The following PDE7B variants were observed in gnomAD, a reference collection of about 807,000 sequenced individuals.
PDE7B encodes the protein 3',5'-cyclic-AMP phosphodiesterase 7B.
In PDE7B, 29 loss-of-function variants were observed where a neutral mutation model predicts 56.2. That is an observed-to-expected ratio of 0.52 (90% CI 0.38 to 0.70). The LOEUF is 0.70. Among genes scored for constraint, PDE7B ranks in the 30% least tolerant of loss-of-function variants. The probability of loss-of-function intolerance (pLI) is 0.00; values close to 1 mark genes in which losing one functional copy is unlikely to be tolerated. For missense variants in PDE7B, 490 were observed against 565.0 expected, an observed-to-expected ratio of 0.87 and a Z score of 1.35; for synonymous variants, 197 against 196.9, an observed-to-expected ratio of 1.00 and a Z score of 0.00.
chr6:136,163,088 C>T (rs1344028638), intron 8 of PDE7B, among the ~76,000 whole-genome samples: 2 of 152,224 alleles, frequency 1.3e-5, no homozygotes, highest in African/African-American at 4.8e-5. Flanking sequence ...TCTCACAGCT[C>T]CACTAGACAG....
chr6:136,009,113 T>G (rs1426511891), intron 2 of PDE7B, among the ~76,000 whole-genome samples: 13 of 152,132 alleles, frequency 8.5e-5, no homozygotes, highest in Non-Finnish European at 1.9e-4. Context: ...AGTTCTTGTT[T>G]TTTTCAGGTT....
rs556044060 is a variant in PDE7B at position 135,988,693 on chromosome 6, G to C, written c.82+41169G>C. On this transcript the variant is annotated intron_variant, in intron 2 of 12. Transcript: ENST00000308191. ...GAAATGGAAGTGTTCTGATCAAGTGGGTAAAAGGAATTATAAATTTAGGAA... is the reference window on the plus strand; with the variant it reads ...GAAATGGAAGTGTTCTGATCAAGTGCGTAAAAGGAATTATAAATTTAGGAA... Among the ~76,000 whole-genome samples the C allele has an allele frequency of 3.9e-5, 6 of 152,104 alleles. 1 individual carries two copies. The South Asian group carries it at 1.0e-3, about 26-fold the overall frequency.
intron 1 of PDE7B, among the ~76,000 whole-genome samples, chr6:135,884,239 AT>A (rs1239564709): frequency 6.6e-6 from 1 of 152,040 alleles, no homozygotes; most frequent in African/African-American, 2.4e-5. Context: ...TTCCAAATTC[AT>A]TTTTTTAAAA....
chr6:136,173,197 C>T (rs1283799674), intron 8 of PDE7B, among the ~76,000 whole-genome samples: 1 of 152,202 alleles, frequency 6.6e-6, no homozygotes, highest in African/African-American at 2.4e-5. Flanking sequence ...ATTGCCAAGT[C>T]AATCCTAAGC....
chr6:136,093,396 T>C (rs1371796453), intron 2 of PDE7B, among the ~76,000 whole-genome samples: 4 of 152,250 alleles, frequency 2.6e-5, no homozygotes, highest in Non-Finnish European at 5.9e-5. Flanking sequence ...AAGGTCTTTC[T>C]TCCAAGGATG....
rs1583910650 is a variant in PDE7B at position 136,151,359 on chromosome 6, A to G, written c.478+104A>G. On this transcript the variant is annotated intron_variant, in intron 6 of 12. Coordinates refer to ENST00000308191, the MANE Select transcript of PDE7B (RefSeq NM_018945.4). ...AAGATCCATAGGATGATAGATGCAT[A>G]CCTCCAATTAATCTTAAATGGTCTC... The G allele has an allele frequency of 1.3e-5, 8 of 596,746 alleles. No individual in the cohort carries two copies. The East Asian group carries it at 2.2e-4, about 17-fold the overall frequency. The allele number at this position is 596,746 out of a possible 1,614,324, so 37.0% of individuals were successfully genotyped here. A position where few individuals can be genotyped will look rare whatever the true frequency, so the allele number is the denominator to read the frequency against.
At chr6:135,942,794 A>G (rs1337230646) in intron 1 of PDE7B, among the ~76,000 whole-genome samples, 2 of 152,068 alleles carry the variant, frequency 1.3e-5, no homozygotes, top group African/African-American at 4.8e-5. Context: ...AATGTCCTCC[A>G]GATTCATCCA....
chr6:136,002,076 C>G (rs1031769142), intron 2 of PDE7B, among the ~76,000 whole-genome samples: 1 of 152,158 alleles, frequency 6.6e-6, no homozygotes, highest in African/African-American at 2.4e-5. Flanking sequence ...ATCTTCAACC[C>G]AGAATTTCAT....
chr6:136,035,337 C>T (rs894741582), intron 2 of PDE7B: 4 of 152,168 alleles, frequency 2.6e-5, no homozygotes, highest in African/African-American at 7.2e-5. Context: ...ATGTTAGCTA[C>T]GAAATGTAAC....
At chr6:135,899,345 CTG>C (rs1775958840) in intron 1 of PDE7B, among the ~76,000 whole-genome samples, 1 of 151,536 alleles carries the variant, frequency 6.6e-6, no homozygotes, top group South Asian at 2.1e-4. Flanking sequence ...ACATATGTAT[CTG>C]TGTGTATTTA....
At chr6:135,862,579 G>A (rs1775171177) in intron 1 of PDE7B, among the ~76,000 whole-genome samples, 3 of 151,768 alleles carry the variant, frequency 2.0e-5, no homozygotes, top group Admixed American at 1.3e-4. Flanking sequence ...GGACAGTTTT[G>A]TAAGTTTATA....
At chr6:136,031,745 A>AC (rs1045536280) in intron 2 of PDE7B, among the ~76,000 whole-genome samples, 2 of 151,526 alleles carry the variant, frequency 1.3e-5, no homozygotes, top group African/African-American at 4.8e-5. Context: ...TCTCAAAAAA[A>AC]AAAAAAAAAA....
chr6:136,170,770 G>A (rs1327630420), intron 8 of PDE7B, among the ~76,000 whole-genome samples: 2 of 152,064 alleles, frequency 1.3e-5, no homozygotes, highest in African/African-American at 4.8e-5. Flanking sequence ...ATCAGAGAGG[G>A]GGCTGAGCAT....
intron 1 of PDE7B, among the ~76,000 whole-genome samples, chr6:135,873,672 A>G (rs1342929665): frequency 6.6e-6 from 1 of 152,304 alleles, no homozygotes; most frequent in East Asian, 1.9e-4. Context: ...TTGTAAGTAG[A>G]TAGGCAAATA....
intron 2 of PDE7B, among the ~76,000 whole-genome samples, chr6:136,006,584 T>C (rs370191656): frequency 1.2e-3 from 183 of 152,218 alleles, no homozygotes; most frequent in African/African-American, 4.0e-3. Context: ...ATCTAGTTTC[T>C]TTGAGCAGTG....
intron 3 of PDE7B, among the ~76,000 whole-genome samples, chr6:136,140,856 A>G (rs1231117691): frequency 2.6e-5 from 4 of 152,300 alleles, no homozygotes; most frequent in South Asian, 2.1e-4. Flanking sequence ...CAGCTTAAGG[A>G]GACTTTGGGC....
intron 9 of PDE7B, 49 bp from the exon 10 acceptor site, chr6:136,178,948 A>C (rs764294713): frequency 6.2e-7 from 1 of 1,603,016 alleles, no homozygotes; most frequent in South Asian, 1.1e-5. Context: ...ACCCTCATCA[A>C]AGGGATTTGC....
At chr6:136,008,685 G>T (rs536964727) in intron 2 of PDE7B, among the ~76,000 whole-genome samples, 1 of 152,302 alleles carries the variant, frequency 6.6e-6, no homozygotes, top group South Asian at 2.1e-4. Flanking sequence ...GGGGTTGTTT[G>T]TTTGTTTCTT....
intron 1 of PDE7B, among the ~76,000 whole-genome samples, chr6:135,936,763 G>A (rs1265992777): frequency 1.3e-5 from 2 of 152,152 alleles, no homozygotes; most frequent in African/African-American, 4.8e-5. Context: ...CCACCTTCCA[G>A]GATCCAGAGG....
Sources: allele counts gnomAD v4.1 joint callset (sites outside exome capture counted in the v4.1 genomes callset), GRCh38; gene constraint gnomAD v4.1.1; transcripts MANE v1.5; gene names NCBI Gene and HGNC (gene_info 2026-07-23, HGNC 2026-07-21).